Variants in HAUS6 observed in about 807,000 individuals in gnomAD.
HAUS6 encodes the protein HAUS augmin like complex subunit 6.
In HAUS6, 80 loss-of-function variants were observed where a neutral mutation model predicts 106.8. The observed-to-expected ratio is 0.75, with a 90% confidence interval of 0.63 to 0.90. The LOEUF is 0.90. HAUS6 is among the 40% of genes least tolerant of loss of function. The pLI is 0.00. For synonymous variants in HAUS6, 356 were observed against 379.1 expected, an observed-to-expected ratio of 0.94 and a Z score of 0.71; for missense variants, 1,155 against 1,118.1, an observed-to-expected ratio of 1.03 and a Z score of -0.47.
rs750882812 is a variant in HAUS6 at position 19,080,500 on chromosome 9, A to C, written c.1043T>G (p.Leu348Ter). ...EKETKFQKER[L>*]SDLKHMRYRI... is the part of the protein sequence containing the mutation. The stretch of plus-strand genomic sequence containing the variant: ...GTACCTCATATGTTTCAGATCTGAT[A>C]ATCTTTCCTTCTGAAATTTGGTCTC... Residue 348 changes from leucine to a stop codon, truncating the protein, a stop_gained, in exon 9 of 17, where the codon TTA (leucine) becomes TGA (stop). Coordinates refer to ENST00000380502, the MANE Select transcript of HAUS6 (RefSeq NM_017645.5). LOFTEE classifies it high-confidence loss of function. The C allele has an allele frequency of 8.1e-6, 13 of 1,607,186 alleles. No homozygotes were observed. The highest frequency in any genetic ancestry group is 1.1e-5 in the South Asian group (1 of 90,902).
intron 1 of HAUS6, among the ~76,000 whole-genome samples, chr9:19,100,250 T>A (rs1004016997): frequency 6.6e-6 from 1 of 151,762 alleles, no homozygotes; most frequent in African/African-American, 2.4e-5. Flanking sequence ...TAATTCCAGC[T>A]ATTCGGGAGG....
At chr9:19,083,537 T>G (rs1165518188) in intron 7 of HAUS6, among the ~76,000 whole-genome samples, 2 of 152,096 alleles carry the variant, frequency 1.3e-5, no homozygotes, top group Non-Finnish European at 2.9e-5. Flanking sequence ...GCGCAGTGGC[T>G]CACGTCTGTA....
chr9:19,079,381 G>A (rs1005774648), intron 9 of HAUS6, among the ~76,000 whole-genome samples: 10 of 151,182 alleles, frequency 6.6e-5, no homozygotes, highest in African/African-American at 1.2e-4. Flanking sequence ...ACAGGCGCAC[G>A]CCACCACGCC....
At chr9:19,096,591 G>C in intron 2 of HAUS6, 83 bp downstream of exon 2, 1 of 467,368 alleles carries the variant, frequency 2.1e-6, no homozygotes, top group Non-Finnish European at 3.7e-6. Context: ...AAAAAAAAAG[G>C]AGAGAATTCT....
chr9:19,070,136 G>C, intron 12 of HAUS6, 83 bp downstream of exon 12: 1 of 775,302 alleles, frequency 1.3e-6, no homozygotes, highest in Non-Finnish European at 2.2e-6. Flanking sequence ...AGTCCAGCTG[G>C]CTTCACCTCT....
chr9:19,086,011 G>A (rs1420123125), intron 7 of HAUS6, among the ~76,000 whole-genome samples: 1 of 151,334 alleles, frequency 6.6e-6, no homozygotes, highest in Non-Finnish European at 1.5e-5. Flanking sequence ...AAAAGTAATA[G>A]TACTATAAAA....
At position 19,076,697 on chromosome 9, in the gene HAUS6, T is replaced by G. The variant is rs910492033; in HGVS notation, c.1199A>C (p.Asp400Ala). The change falls in exon 11 of 17, where the codon GAT (aspartate) becomes GCT (alanine). Residue 400 changes from aspartate to alanine, a missense_variant. Asp to Ala is a moderately radical substitution (Grantham distance 126). Around this residue, in one of 3 missense-constraint regions of HAUS6, gnomAD observed 761 missense variants for 690.0 expected, o/e 1.10. Coordinates refer to ENST00000380502, the MANE Select transcript of HAUS6 (RefSeq NM_017645.5). Reference sequence around the variant, plus strand: ...AAGGGGAGACATTGGTGGTAAAAGATCTACAGACTTAAAACAGAAAATTCA... The same window carrying G: ...AAGGGGAGACATTGGTGGTAAAAGAGCTACAGACTTAAAACAGAAAATTCA... Reference protein sequence around the residue: ...SLIKGWTPSVDLLPPMSPLSF... With the variant: ...SLIKGWTPSVALLPPMSPLSF... 6.7e-7 allele frequency: 1 copy of G among 1,488,476 alleles called. No individual in the cohort carries two copies. The highest frequency in any genetic ancestry group is 1.4e-5 in the African/African-American group (1 of 73,056). The allele number at this position is 1,488,476 out of a possible 1,614,324, so 92.2% of individuals were successfully genotyped here. A position where few individuals can be genotyped will look rare whatever the true frequency, so the allele number is the denominator to read the frequency against.
intron 2 of HAUS6, 73 bp from the exon 3 acceptor site, chr9:19,094,468 T>A (rs1048143174): frequency 2.3e-6 from 2 of 866,742 alleles, no homozygotes; most frequent in East Asian, 2.5e-5. Flanking sequence ...GCAAATTTTT[T>A]AAAAATCAAA....
intron 9 of HAUS6, 78 bp from the exon 10 acceptor site, chr9:19,078,380 G>C (rs1352268856): frequency 1.2e-6 from 1 of 816,226 alleles, no homozygotes; most frequent in Admixed American, 2.4e-5. Context: ...AATAACAATA[G>C]TTGTAGAGAA....
In HAUS6 at chr9:19,063,094, T is replaced by C; in HGVS notation, c.1543A>G (p.Asn515Asp). ...ENSPLSDVAK[N>D]TESSAFGGSL... ...CCTCCAAATGCACTACTCTCTGTAT[T>C]CTTTGCAACATCTGATAATGGAGAA... Residue 515 changes from asparagine to aspartate, a missense_variant, in exon 14 of 17, where the codon AAT (asparagine) becomes GAT (aspartate). This residue lies in a region of HAUS6 where 761 missense variants were observed against 690.0 expected (regional missense o/e 1.10). Coordinates refer to ENST00000380502, the MANE Select transcript of HAUS6 (RefSeq NM_017645.5). 6.2e-7 allele frequency: 1 copy of C among 1,608,530 alleles called. No homozygotes were observed. The highest frequency in any genetic ancestry group is 8.5e-7 in the Non-Finnish European group (1 of 1,176,328).
intron 16 of HAUS6, 119 bp from the exon 17 acceptor site, chr9:19,056,523 A>T (rs1298029627): frequency 1.6e-6 from 1 of 627,292 alleles, no homozygotes; most frequent in Non-Finnish European, 2.9e-6. Context: ...CAAATACTTG[A>T]TTATGATAAA....
chr9:19,084,458 T>A (rs1837239927), intron 7 of HAUS6, among the ~76,000 whole-genome samples: 1 of 152,082 alleles, frequency 6.6e-6, no homozygotes, highest in Non-Finnish European at 1.5e-5. Context: ...GTTCACTTTG[T>A]GAAAATTTGT....
chr9:19,088,740 T>A lies in HAUS6; in HGVS notation c.584+672A>T, dbSNP rs185196539. 5.6e-3 allele frequency among the ~76,000 whole-genome samples: 826 copies of A among 147,908 alleles called. 15 individuals carry two copies. Among genetic ancestry groups the A allele is most frequent in the African/African-American group, 0.02 (796 of 40,436 alleles). ...AAAAAAAAAAAAAATGAGCCAGGCG[T>A]GGTGGCAGGCGCCTGTAATCTCAGC... On this transcript the variant is annotated intron_variant, in intron 5 of 16. Transcript: ENST00000380502.
At chr9:19,079,001 A>G (rs1837074671) in intron 9 of HAUS6, among the ~76,000 whole-genome samples, 1 of 150,354 alleles carries the variant, frequency 6.7e-6, no homozygotes, top group Admixed American at 6.6e-5. Context: ...CTGAAAAATA[A>G]TAATAATACA....
At chr9:19,097,900 G>C (rs1324739616) in intron 1 of HAUS6, among the ~76,000 whole-genome samples, 1 of 152,108 alleles carries the variant, frequency 6.6e-6, no homozygotes, top group South Asian at 2.1e-4. Flanking sequence ...CAAATCAAGT[G>C]AATTTCTGAC....
rs752293989 is a variant in HAUS6, at chr9:19,089,500, T to C, written c.496A>G (p.Ile166Val). The change falls in exon 5 of 17, where the codon ATT becomes GTT. Residue 166 changes from isoleucine (I) to valine (V), a missense_variant. Ile to Val is a conservative substitution (Grantham distance 29). This residue lies in a region of HAUS6 where 761 missense variants were observed against 690.0 expected (regional missense o/e 1.10). Transcript: ENST00000380502. ...NIKPQDLHKC[I>V]ARCHFARSRF... ...CTACGTGCGAAATGGCATCTGGCAA[T>C]GCATTTGTGCAAGTCCTGTGGTTTT... 6.2e-7 allele frequency: 1 copy of C among 1,610,448 alleles called. No individual in the cohort carries two copies. Among genetic ancestry groups the C allele is most frequent in the Admixed American group, 1.7e-5 (1 of 59,996 alleles).
chr9:19,098,172 G>A (rs772196082), intron 1 of HAUS6, among the ~76,000 whole-genome samples: 10 of 152,156 alleles, frequency 6.6e-5, no homozygotes, highest in Non-Finnish European at 7.3e-5. Flanking sequence ...CGGGTGCAGC[G>A]GCTCACACCT....
In HAUS6 at chr9:19,073,025, C is replaced by A. The variant is rs118055768; in HGVS notation, c.1295-2725G>T. On this transcript the variant is annotated intron_variant, in intron 11 of 16. Coordinates refer to ENST00000380502, the MANE Select transcript of HAUS6 (RefSeq NM_017645.5). ...TATAAACTTTAAAAAAGAGGAAGAA[C>A]AATATTACATATTGTTTATAGGTCT... Among the ~76,000 whole-genome samples the A allele has an allele frequency of 8.8e-3, 1,329 of 151,876 alleles. 11 individuals are homozygous for A. Among genetic ancestry groups the A allele is most frequent in the Non-Finnish European group, 0.013 (882 of 67,930 alleles).
chr9:19,065,798 GC>G (rs1460570770), intron 12 of HAUS6, among the ~76,000 whole-genome samples: 69 of 152,188 alleles, frequency 4.5e-4, no homozygotes, highest in Admixed American at 4.5e-3. Flanking sequence ...CCGAGATCGT[GC>G]CATTGCACTC....
Sources: gnomAD v4.1 joint callset for allele counts (sites outside exome capture counted in the v4.1 genomes callset) on GRCh38, gnomAD v4.1.1 for gene constraint, gnomAD v4.1.1 regional missense constraint, MANE v1.5 for transcripts, NCBI Gene and HGNC (gene_info 2026-07-23, HGNC 2026-07-21) for gene names.